RNF19B: variants seen among roughly 807,000 people sequenced by gnomAD.
RNF19B encodes ring finger protein 19B, also known as E3 ubiquitin-protein ligase RNF19B.
In RNF19B, 23 loss-of-function variants were observed where a neutral mutation model predicts 65.5. The ratio of observed to expected loss-of-function variants is 0.35; its 90% confidence interval spans 0.25 to 0.50. RNF19B has a LOEUF of 0.50. Among genes scored for constraint, RNF19B ranks in the 20% least tolerant of loss-of-function variants. The pLI is 0.98. For missense variants in RNF19B, 794 were observed against 980.0 expected (o/e 0.81, Z 2.53); for synonymous variants, 372 against 379.6 (o/e 0.98, Z 0.23).
Position 32,964,009 on chromosome 1 carries a change from G to A in RNF19B, c.635+42C>T, listed in dbSNP as rs1178170382. ...CCTGCTGCCCCCAGCCACGCCCCTC[G>A]GCTGCAGCCCGCCGCCACCCGCGCC... On this transcript the variant is annotated intron_variant, in intron 1 of 8. Transcript: ENST00000235150. This position sits in a 1 kb window ranked among gnomAD's most constrained non-coding sequence, Gnocchi z 6.5. 9 of 1,401,528 alleles carry A rather than the reference G, an allele frequency of 6.4e-6. No individual in the cohort carries two copies. Among genetic ancestry groups the A allele is most frequent in the Non-Finnish European group, 8.3e-6 (9 of 1,083,864 alleles). The allele number at this position is 1,401,528 out of a possible 1,614,324, so 86.8% of individuals were successfully genotyped here.
In RNF19B at chr1:32,936,570, C is replaced by A. The variant is rs1642102044; in HGVS notation, c.*236G>T. The A allele has an allele frequency of 2.3e-6, 1 of 442,830 alleles. No homozygotes were observed. The highest frequency in any genetic ancestry group is 2.0e-5 in the African/African-American group (1 of 50,570). 27.4% of individuals were successfully genotyped at this position (442,830 alleles called of 1,614,324 possible). A position where few individuals can be genotyped will look rare whatever the true frequency, so the allele number is the denominator to read the frequency against. On this transcript the variant is annotated 3_prime_UTR_variant, in exon 9 of 9. Transcript: ENST00000235150. ...TCATGGATTGCTGCCATCAGTTTAA[C>A]CAATAAATTAAAACTAAAAAGAGGG... is the stretch of plus-strand genomic sequence containing the variant.
chr1:32,952,584 T>C (rs1406406959), intron 1 of RNF19B, among the ~76,000 whole-genome samples: 2 of 149,188 alleles, frequency 1.3e-5, no homozygotes, highest in East Asian at 3.9e-4. Context: ...CTACTAAAAA[T>C]ACAAAAAATT....
At chr1:32,948,847 C>T (rs1642426243) in intron 2 of RNF19B, among the ~76,000 whole-genome samples, 3 of 152,162 alleles carry the variant, frequency 2.0e-5, no homozygotes, top group Admixed American at 2.0e-4. Flanking sequence ...TCCCATGATA[C>T]TTTCAAATTC....
chr1:32,932,199 G>A (rs1642036121), downstream of RNF19B, among the ~76,000 whole-genome samples: 1 of 152,218 alleles, frequency 6.6e-6, no homozygotes. Context: ...TTCCATGTGA[G>A]CTGCTACCTC....
chr1:32,941,321 G>A (rs1292005408), intron 7 of RNF19B, among the ~76,000 whole-genome samples: 1 of 152,024 alleles, frequency 6.6e-6, no homozygotes, highest in African/African-American at 2.4e-5. Context: ...GAGGCGGGTG[G>A]ATCACAAGGT....
chr1:32,929,935 C>A, the RNF19B span, among the ~76,000 whole-genome samples: 2 of 152,174 alleles, frequency 1.3e-5, no homozygotes. Flanking sequence ...GCTTCATTTC[C>A]AGCCTAGGGA....
At chr1:32,935,023 G>A (rs1642073800), downstream of RNF19B, among the ~76,000 whole-genome samples, 1 of 151,714 alleles carries the variant, frequency 6.6e-6, no homozygotes, top group African/African-American at 2.4e-5. Flanking sequence ...GTAGAGACGG[G>A]GTTTCACCAT....
intron 7 of RNF19B, among the ~76,000 whole-genome samples, chr1:32,939,246 G>A (rs974817621): frequency 6.6e-6 from 1 of 152,120 alleles, no homozygotes; most frequent in East Asian, 1.9e-4. Flanking sequence ...GGAGTGCAGT[G>A]GCACGATCTT....
At chr1:32,945,877 TTTA>T (rs1257884780) in intron 4 of RNF19B, among the ~76,000 whole-genome samples, 1 of 144,398 alleles carries the variant, frequency 6.9e-6, no homozygotes, top group Admixed American at 7.1e-5. Flanking sequence ...ACCTTCTTCT[TTTA>T]TTTTTTTTTT....
chr1:32,958,442 C>T (rs1207337588), intron 1 of RNF19B, among the ~76,000 whole-genome samples: 2 of 151,976 alleles, frequency 1.3e-5, no homozygotes, highest in East Asian at 1.9e-4. Flanking sequence ...GATGGCCGGG[C>T]GTGGTGGCTC....
chr1:32,955,165 G>A (rs1008097403), intron 1 of RNF19B, among the ~76,000 whole-genome samples: 1 of 152,028 alleles, frequency 6.6e-6, no homozygotes, highest in Non-Finnish European at 1.5e-5. Context: ...TTTAATCTCA[G>A]TCTAGTATAC....
Position 32,964,457 on chromosome 1 carries a change from G to A in RNF19B, c.229C>T (p.Pro77Ser). The A allele has an allele frequency of 3.0e-6, 3 of 988,368 alleles. No individual in the cohort carries two copies. Among genetic ancestry groups the A allele is most frequent in the Non-Finnish European group, 3.6e-6 (3 of 832,094 alleles). The allele number at this position is 988,368 out of a possible 1,614,324, so 61.2% of individuals were successfully genotyped here. A position where few individuals can be genotyped will look rare whatever the true frequency, so the allele number is the denominator to read the frequency against. The part of the protein sequence containing the change: ...PAPAAAQGPP[P>S]EALPAEPAAE... ...GCCGGCTCGGCGGGCAGCGCCTCGGGCGGCGGGCCCTGGGCCGCGGCAGGG... is the reference window on the plus strand; with the variant it reads ...GCCGGCTCGGCGGGCAGCGCCTCGGACGGCGGGCCCTGGGCCGCGGCAGGG... The change falls in exon 1 of 9, where the codon CCC becomes TCC. Residue 77 changes from proline to serine, a missense_variant. Around this residue, in one of 3 missense-constraint regions of RNF19B, gnomAD observed 374 missense variants for 423.8 expected, o/e 0.88. Transcript: ENST00000235150. This position sits in a 1 kb window ranked among gnomAD's most constrained non-coding sequence, Gnocchi z 6.5.
intron 1 of RNF19B, among the ~76,000 whole-genome samples, chr1:32,957,624 AG>A (rs1642670466): frequency 6.6e-6 from 1 of 152,148 alleles, no homozygotes; most frequent in South Asian, 2.1e-4. Context: ...GCTTGAAGTC[AG>A]GAATTCAAGC....
At chr1:32,950,125 AC>A (rs1642459344) in intron 1 of RNF19B, among the ~76,000 whole-genome samples, 1 of 152,142 alleles carries the variant, frequency 6.6e-6, no homozygotes, top group Non-Finnish European at 1.5e-5. Flanking sequence ...GCAAGCCACC[AC>A]GCCTGGCTAA....
chr1:32,947,113 A>AT (rs1464079038), intron 3 of RNF19B, among the ~76,000 whole-genome samples: 1 of 152,132 alleles, frequency 6.6e-6, no homozygotes, highest in Non-Finnish European at 1.5e-5. Flanking sequence ...ATTTTTGCCC[A>AT]TTCTCTTTGT....
In RNF19B at chr1:32,948,473, C is replaced by T. The variant is rs956705829; in HGVS notation, c.842-110G>A. On this transcript the variant is annotated intron_variant, in intron 2 of 8. Coordinates refer to ENST00000235150, the MANE Select transcript of RNF19B (RefSeq NM_001300826.2). The stretch of plus-strand genomic sequence containing the variant: ...AGAAATGAGGCAGCAGTCAAGAACT[C>T]TTCACTGAACACTCCAAATTGTACA... The T allele has an allele frequency of 6.2e-6, 7 of 1,122,448 alleles. No individual in the cohort carries two copies. In the African/African-American group the frequency reaches 1.1e-4, roughly 17 times the overall value. 69.5% of individuals were successfully genotyped at this position (1,122,448 alleles called of 1,614,324 possible). A position where few individuals can be genotyped will look rare whatever the true frequency, so the allele number is the denominator to read the frequency against.
rs1642125799 is a variant in RNF19B at position 32,937,145 on chromosome 1, C to G, written c.1857G>C (p.Glu619Asp). 1.3e-5 allele frequency: 21 copies of G among 1,614,110 alleles called. No homozygotes were observed. Among genetic ancestry groups the G allele is most frequent in the Non-Finnish European group, 1.8e-5 (21 of 1,180,056 alleles). The change falls in exon 9 of 9, where the codon GAG becomes GAC. Residue 619 changes from glutamate to aspartate, a missense_variant. Transcript: ENST00000235150. ...CGCCACCACTACCTTCTTCTTCATT[C>G]TCTGCCATCTGAGCATGAACATGGA... Reference protein sequence around the residue: ...DSLHVHAQMAENEEEGSGGGG... With the variant: ...DSLHVHAQMADNEEEGSGGGG...
rs958624170 is a variant in RNF19B at position 32,964,037 on chromosome 1, G to A, written c.635+14C>T. On this transcript the variant is annotated intron_variant, in intron 1 of 8. Coordinates refer to ENST00000235150, the MANE Select transcript of RNF19B (RefSeq NM_001300826.2). This position sits in a 1 kb window ranked among gnomAD's most constrained non-coding sequence, Gnocchi z 6.5. ...TGCAGCCCGCCGCCACCCGCGCCACGCCCCCGCGCTCACCCGCAGTCCGGG... is the reference window on the plus strand; with the variant it reads ...TGCAGCCCGCCGCCACCCGCGCCACACCCCCGCGCTCACCCGCAGTCCGGG... 6 of 1,427,282 alleles carry A rather than the reference G, an allele frequency of 4.2e-6. No homozygotes were observed. The highest frequency in any genetic ancestry group is 3.3e-5 in the Admixed American group (1 of 30,372). The allele number at this position is 1,427,282 out of a possible 1,614,324, so 88.4% of individuals were successfully genotyped here. A position where few individuals can be genotyped will look rare whatever the true frequency, so the allele number is the denominator to read the frequency against.
chr1:32,931,834 T>C (rs1642032538), downstream of RNF19B, among the ~76,000 whole-genome samples: 1 of 152,216 alleles, frequency 6.6e-6, no homozygotes, highest in Admixed American at 6.5e-5. Flanking sequence ...CCCTTTGAGG[T>C]GCCAACGTCT....
Sources: allele counts gnomAD v4.1 joint callset (sites outside exome capture counted in the v4.1 genomes callset), GRCh38; gene constraint gnomAD v4.1.1; regional missense constraint gnomAD v4.1.1; non-coding constraint Gnocchi (gnomAD v3.1); transcripts MANE v1.5; gene names NCBI Gene and HGNC (gene_info 2026-07-23, HGNC 2026-07-21).